ITCH: variants seen among roughly 807,000 people sequenced by gnomAD.
ITCH encodes the protein E3 ubiquitin-protein ligase Itchy homolog.
Under a neutral mutation model 126.8 loss-of-function variants are expected in ITCH, and 28 were observed. That is an observed-to-expected ratio of 0.22 (90% CI 0.16 to 0.30). The LOEUF is 0.30. Ranked by LOEUF, ITCH falls within the 10% of genes least tolerant of loss-of-function variation. ITCH has a pLI of 1.00. For missense variants in ITCH, 631 were observed against 1,032.4 expected (o/e 0.61, Z 5.33); for synonymous variants, 342 against 340.0 (o/e 1.01, Z -0.06).
At chr20:34,413,024 G>A (rs909027877) in intron 5 of ITCH, among the ~76,000 whole-genome samples, 5 of 151,524 alleles carry the variant, frequency 3.3e-5, no homozygotes, top group African/African-American at 9.7e-5. Context: ...GGAGGGACAT[G>A]GGGAGACAAG....
At position 34,438,555 on chromosome 20, in the gene ITCH, A is replaced by T; in HGVS notation, c.603A>T (p.Ser201=). The change falls in exon 8 of 25, where the codon TCA becomes TCT. Residue 201 remains serine, a synonymous_variant. Transcript: ENST00000374864. The part of the protein sequence containing the change: ...NRRVSGNNSP[S]LSNGGFKPSR... The stretch of plus-strand genomic sequence containing the variant: ...GAGTCAGTGGGAATAATTCTCCATC[A>T]CTCTCAAATGGTGGTTTTAAACCTT... 6.2e-7 allele frequency: 1 copy of T among 1,613,794 alleles called. No individual in the cohort carries two copies. Among genetic ancestry groups the T allele is most frequent in the Non-Finnish European group, 8.5e-7 (1 of 1,179,908 alleles).
At chr20:34,402,015 A>G (rs1358311637) in intron 3 of ITCH, 1 of 588,608 alleles carries the variant, frequency 1.7e-6, no homozygotes, top group South Asian at 2.0e-5. Context: ...ACATGAGTAC[A>G]TGTGGGTAGG....
chr20:34,419,325 T>G (rs1980415787), intron 6 of ITCH, among the ~76,000 whole-genome samples: 1 of 152,174 alleles, frequency 6.6e-6, no homozygotes, highest in African/African-American at 2.4e-5. Context: ...TCCACCTGTA[T>G]TTTTCTTCCT....
At chr20:34,468,314 G>A (rs897690467) in intron 14 of ITCH, among the ~76,000 whole-genome samples, 3 of 151,520 alleles carry the variant, frequency 2.0e-5, no homozygotes, top group African/African-American at 7.3e-5. Context: ...GATTACAGGC[G>A]TGAGCTGCTG....
intron 2 of ITCH, among the ~76,000 whole-genome samples, chr20:34,381,390 C>A (rs1301259734): frequency 6.6e-6 from 1 of 151,478 alleles, no homozygotes; most frequent in African/African-American, 2.4e-5. Context: ...TCAAGTGATT[C>A]TCCTGCTGGG....
intron 2 of ITCH, among the ~76,000 whole-genome samples, chr20:34,373,485 A>G (rs2037718916): frequency 1.3e-5 from 2 of 152,164 alleles, no homozygotes; most frequent in African/African-American, 4.8e-5. Context: ...CATATTGGCC[A>G]GGCTGGTCTC....
At chr20:34,489,567 A>G (rs906927646) in intron 21 of ITCH, among the ~76,000 whole-genome samples, 181 bp downstream of exon 21, 1 of 152,220 alleles carries the variant, frequency 6.6e-6, no homozygotes, top group African/African-American at 2.4e-5. Flanking sequence ...AAACAATAGT[A>G]TTACCCCCTC....
In ITCH at chr20:34,471,531, C is replaced by T. The variant is rs1434801914; in HGVS notation, c.1569+16C>T. The T allele has an allele frequency of 2.6e-5, 39 of 1,502,848 alleles. No individual in the cohort carries two copies. Among genetic ancestry groups the T allele is most frequent in the Non-Finnish European group, 3.3e-5 (36 of 1,078,586 alleles). The allele number at this position is 1,502,848 out of a possible 1,614,324, so 93.1% of individuals were successfully genotyped here. On this transcript the variant is annotated intron_variant, in intron 16 of 24. Transcript: ENST00000374864. ...CTTTCAACAGGTACTGTTTCATTCT[C>T]TCAATAATTTCCCCCCTGGCTGCTA...
intron 2 of ITCH, among the ~76,000 whole-genome samples, chr20:34,390,054 GAGGT>G (rs2146059191): frequency 6.6e-6 from 1 of 151,868 alleles, no homozygotes; most frequent in East Asian, 1.9e-4. Flanking sequence ...CTGGGAAGTG[GAGGT>G]TGCAGTGAGC....
At chr20:34,383,192 C>T (rs999715738) in intron 2 of ITCH, among the ~76,000 whole-genome samples, 1 of 151,896 alleles carries the variant, frequency 6.6e-6, no homozygotes, top group African/African-American at 2.4e-5. Flanking sequence ...CAGGTGCATA[C>T]CACCATGCCT....
chr20:34,445,549 G>A lies in ITCH; in HGVS notation c.1140+88G>A, dbSNP rs185069108. The A allele has an allele frequency of 3.5e-3, 4,669 of 1,338,710 alleles. 34 individuals carry two copies. Among genetic ancestry groups the A allele is most frequent in the South Asian group, 0.012 (1,035 of 83,776 alleles). 82.9% of individuals were successfully genotyped at this position (1,338,710 alleles called of 1,614,324 possible). A position where few individuals can be genotyped will look rare whatever the true frequency, so the allele number is the denominator to read the frequency against. The stretch of plus-strand genomic sequence containing the variant: ...TGTCATGGAAAGCACTAAAAAGAAG[G>A]TGCAAGTAGCATGGCAACCCAGTTG... On this transcript the variant is annotated intron_variant, in intron 11 of 24. Transcript: ENST00000374864.
At chr20:34,477,699 T>C in intron 16 of ITCH, 73 bp from the exon 17 acceptor site, 1 of 1,379,270 alleles carries the variant, frequency 7.3e-7, no homozygotes. Flanking sequence ...ACGAAGGAGA[T>C]GTCAAACCTA....
Position 34,508,387 on chromosome 20 carries a change from ATT to A in ITCH, c.*595_*596del, listed in dbSNP as rs1405857189. 1 of 156,698 alleles carries A rather than the reference ATT, an allele frequency of 6.4e-6. No individual in the cohort carries two copies. Among genetic ancestry groups the A allele is most frequent in the African/African-American group, 2.4e-5 (1 of 41,456 alleles). 9.7% of individuals were successfully genotyped at this position (156,698 alleles called of 1,614,324 possible). A position where few individuals can be genotyped will look rare whatever the true frequency, so the allele number is the denominator to read the frequency against. On this transcript the variant is annotated 3_prime_UTR_variant, in exon 25 of 25. Coordinates refer to ENST00000374864, the MANE Select transcript of ITCH (RefSeq NM_031483.7). The stretch of plus-strand genomic sequence containing the variant: ...GCATCTCTACAAAGTAGTTTTGTCA[ATT>A]TGAATTCAGGGAAAAGTTGGTCACA...
At chr20:34,477,059 C>G (rs1459496033) in intron 16 of ITCH, among the ~76,000 whole-genome samples, 2 of 152,104 alleles carry the variant, frequency 1.3e-5, no homozygotes, top group African/African-American at 4.8e-5. Context: ...GGTCTCTCTG[C>G]AGCTACTGGT....
intron 7 of ITCH, among the ~76,000 whole-genome samples, chr20:34,425,933 A>G (rs1396806598): frequency 3.3e-5 from 5 of 152,224 alleles, no homozygotes; most frequent in Non-Finnish European, 5.9e-5. Flanking sequence ...TTCTTTTCTC[A>G]GTCTCTCGTC....
chr20:34,395,345 C>G (rs2038638278), intron 3 of ITCH, among the ~76,000 whole-genome samples: 1 of 151,948 alleles, frequency 6.6e-6, no homozygotes, highest in South Asian at 2.1e-4. Context: ...TTTGGTGGAT[C>G]TGGACTTAGG....
intron 3 of ITCH, among the ~76,000 whole-genome samples, chr20:34,401,083 A>G (rs1419117121): frequency 6.6e-6 from 1 of 152,108 alleles, no homozygotes; most frequent in Non-Finnish European, 1.5e-5. Context: ...TTATAAAGAC[A>G]CATTCTCATT....
intron 10 of ITCH, 92 bp from the exon 11 acceptor site, chr20:34,445,195 A>C: frequency 7.4e-7 from 1 of 1,354,368 alleles, no homozygotes; most frequent in Non-Finnish European, 1.0e-6. Context: ...ACTCCAGATA[A>C]ATCAAAAGTA....
rs555010349 is a variant in ITCH, at chr20:34,402,205, T to C, written c.71-6446T>C. 4.2e-6 allele frequency: 6 copies of C among 1,414,826 alleles called. No homozygotes were observed. The East Asian group carries it at 1.1e-4, about 27-fold the overall frequency. 87.6% of individuals were successfully genotyped at this position (1,414,826 alleles called of 1,614,324 possible). Reference sequence around the variant, plus strand: ...TCTGGAGGTTCCAGGGCAGCCAATATTGCTTCGTCAAATACATTCTTTAGG... The same window carrying C: ...TCTGGAGGTTCCAGGGCAGCCAATACTGCTTCGTCAAATACATTCTTTAGG... On this transcript the variant is annotated intron_variant, in intron 3 of 24. Transcript: ENST00000374864.
Sources: allele counts gnomAD v4.1 joint callset (sites outside exome capture counted in the v4.1 genomes callset), GRCh38; gene constraint gnomAD v4.1.1; transcripts MANE v1.5; gene names NCBI Gene and HGNC (gene_info 2026-07-23, HGNC 2026-07-21).